Variants in DNAH12 observed in about 807,000 individuals in gnomAD.
DNAH12 encodes axonemal beta dynein heavy chain 12.
A neutral mutation model predicts 371.5 loss-of-function variants in DNAH12; 285 were observed. The observed-to-expected ratio is 0.77, with a 90% CI of 0.70 to 0.85. The LOEUF (loss-of-function observed/expected upper bound fraction) is 0.85. Among genes scored for constraint, DNAH12 ranks in the 40% least tolerant of loss-of-function variants. The pLI, the probability that DNAH12 is intolerant of heterozygous loss-of-function variation, is 0.00. For missense variants in DNAH12, 3,611 were observed against 3,689.4 expected (o/e 0.98, Z 0.55); for synonymous variants, 1,200 against 1,213.0 (o/e 0.99, Z 0.22).
intron 2 of DNAH12, among the ~76,000 whole-genome samples, chr3:57,525,590 T>C (rs770019165): frequency 5.3e-5 from 8 of 152,130 alleles, no homozygotes; most frequent in Non-Finnish European, 1.0e-4. Flanking sequence ...GATACAGGCA[T>C]GCTATGCATA....
At chr3:57,499,641 A>ATATATATATATATATATATAGATATATAT (rs1553711536) in intron 11 of DNAH12, among the ~76,000 whole-genome samples, 1 of 25,418 alleles carries the variant, frequency 3.9e-5, no homozygotes, top group African/African-American at 1.7e-4. Context: ...AAAAAAAAAA[A>ATATATATATATATATATATAGATATATAT]AAAAAAATAT....
At chr3:57,428,573 A>C (rs2064855741) in intron 34 of DNAH12, 60 bp downstream of exon 34, 1 of 1,511,224 alleles carries the variant, frequency 6.6e-7, no homozygotes, top group Non-Finnish European at 8.8e-7. Flanking sequence ...GTGACTTTAG[A>C]CTTAGTCAAG....
Position 57,368,142 on chromosome 3 carries a change from A to C in DNAH12, c.8878T>G (p.Cys2960Gly). The change falls in exon 56 of 74, where the codon TGT (cysteine) becomes GGT (glycine). Residue 2960 changes from cysteine (C) to glycine (G), a missense_variant. Physicochemically the swap from Cys to Gly is radical, Grantham distance 159. Coordinates refer to ENST00000495027, the MANE Select transcript of DNAH12 (RefSeq NM_001366028.2). ...DSDYMRTLEN[C>G]IQFGTPLLLE... ...AGAAGTGGAGTTCCAAACTGAATAC[A>C]GTTTTCCAATGTTCTCATATAGTCT... The C allele has an allele frequency of 6.6e-6, 1 of 152,330 alleles. No homozygotes were observed. Among genetic ancestry groups the C allele is most frequent in the Middle Eastern group, 3.4e-3 (1 of 294 alleles). The allele number at this position is 152,330 out of a possible 1,614,324, so 9.4% of individuals were successfully genotyped here. A position where few individuals can be genotyped will look rare whatever the true frequency, so the allele number is the denominator to read the frequency against.
At chr3:57,297,029 T>C (rs886744588) in intron 70 of DNAH12, 45 bp from the exon 71 acceptor site, 7 of 1,542,678 alleles carry the variant, frequency 4.5e-6, no homozygotes, top group African/African-American at 2.8e-5. Context: ...TTTAAAGTTA[T>C]ACAAGTGCCA....
chr3:57,314,786 TA>T (rs1288648842), intron 65 of DNAH12, among the ~76,000 whole-genome samples, 155 bp from the exon 66 acceptor site: 1 of 152,216 alleles, frequency 6.6e-6, no homozygotes, highest in African/African-American at 2.4e-5. Context: ...AAATAATACT[TA>T]CTATAAATAG....
At position 57,398,964 on chromosome 3, in the gene DNAH12, C is replaced by G. The variant is rs1308303848; in HGVS notation, c.6948+4345G>C. 1.2e-4 allele frequency among the ~76,000 whole-genome samples: 18 copies of G among 152,106 alleles called. No homozygotes were observed. In the South Asian group the frequency reaches 2.3e-3, roughly 19 times the overall value. On this transcript the variant is annotated intron_variant, in intron 43 of 73. Coordinates refer to ENST00000495027, the MANE Select transcript of DNAH12 (RefSeq NM_001366028.2). Reference sequence around the variant, plus strand: ...TTAATTCTAAAAAACAAAAACATGCCTTATAAATGTATGTTAATTAGTACA... The same window carrying G: ...TTAATTCTAAAAAACAAAAACATGCGTTATAAATGTATGTTAATTAGTACA...
At chr3:57,494,265 T>C (rs762707814) in intron 11 of DNAH12, among the ~76,000 whole-genome samples, 1 of 151,162 alleles carries the variant, frequency 6.6e-6, no homozygotes, top group Non-Finnish European at 1.5e-5. Flanking sequence ...AAATGTGTAC[T>C]ACATTGGCTG....
Position 57,453,402 on chromosome 3 carries a change from C to T in DNAH12, c.3458G>A (p.Gly1153Glu). ...TQEVISGGTE[G>E]LKKYYKELQN... ...AAGTTCCTTATAATACTTCTTTAAT[C>T]CCTACAAAATAAAAAAAAAAGCAAT... The change falls in exon 24 of 74, where the codon GGA becomes GAA. Residue 1153 changes from glycine to glutamate, a missense_variant and splice_region_variant. Physicochemically the swap from Gly to Glu is moderately conservative, Grantham distance 98. Around this residue, in one of 3 missense-constraint regions of DNAH12, gnomAD observed 1,314 missense variants for 1,398.7 expected, o/e 0.94. Transcript: ENST00000495027. The T allele has an allele frequency of 2.0e-6, 3 of 1,528,820 alleles. No individual in the cohort carries two copies. Among genetic ancestry groups the T allele is most frequent in the Non-Finnish European group, 2.6e-6 (3 of 1,140,270 alleles). 94.7% of individuals were successfully genotyped at this position (1,528,820 alleles called of 1,614,324 possible).
In DNAH12 at chr3:57,446,699, A is replaced by C; in HGVS notation, c.3787-10T>G. On this transcript the variant is annotated splice_polypyrimidine_tract_variant and intron_variant, in intron 25 of 73. Transcript: ENST00000495027. Reference sequence around the variant, plus strand: ...AATAGAAAGCACCTATCTGAAATGAAAAACACATGTGAAAAGAAATCCATG... The same window carrying C: ...AATAGAAAGCACCTATCTGAAATGACAAACACATGTGAAAAGAAATCCATG... 1 of 1,480,966 alleles carries C rather than the reference A, an allele frequency of 6.8e-7. No individual in the cohort carries two copies. Among genetic ancestry groups the C allele is most frequent in the Non-Finnish European group, 9.0e-7 (1 of 1,111,062 alleles). 91.7% of individuals were successfully genotyped at this position (1,480,966 alleles called of 1,614,324 possible). A position where few individuals can be genotyped will look rare whatever the true frequency, so the allele number is the denominator to read the frequency against.
chr3:57,396,290 C>CAAAAAAAAAAAA (rs1159748997), intron 43 of DNAH12, among the ~76,000 whole-genome samples: 88 of 68,632 alleles, frequency 1.3e-3, no homozygotes, highest in African/African-American at 2.0e-3. Context: ...AAAAAAAAAA[C>CAAAAAAAAAAAA]AAAAAAAAAA....
chr3:57,482,626 T>G (rs2066783622), intron 13 of DNAH12, among the ~76,000 whole-genome samples: 1 of 152,094 alleles, frequency 6.6e-6, no homozygotes, highest in South Asian at 2.1e-4. Context: ...TGCACACGTA[T>G]GTTTATTGCA....
intron 11 of DNAH12, among the ~76,000 whole-genome samples, chr3:57,496,060 A>C (rs963396526): frequency 6.6e-6 from 1 of 151,048 alleles, no homozygotes; most frequent in African/African-American, 2.4e-5. Context: ...TCAAGAAAAC[A>C]TAACAATCCT....
At chr3:57,359,689 CA>C (rs1159846721) in intron 58 of DNAH12, among the ~76,000 whole-genome samples, 2 of 151,492 alleles carry the variant, frequency 1.3e-5, no homozygotes, top group Non-Finnish European at 2.9e-5. Flanking sequence ...TTATACTTTC[CA>C]AAAATAAAAA....
chr3:57,295,449 AT>A, intron 73 of DNAH12, 75 bp downstream of exon 73: 2 of 1,274,690 alleles, frequency 1.6e-6, no homozygotes, highest in Non-Finnish European at 2.1e-6. Context: ...GCAAAAACTT[AT>A]TTTGGGGAGC....
intron 5 of DNAH12, 55 bp from the exon 6 acceptor site, chr3:57,509,267 T>A: frequency 6.6e-7 from 1 of 1,507,320 alleles, no homozygotes; most frequent in Non-Finnish European, 9.1e-7. Flanking sequence ...AATCTATTAA[T>A]ATCAAAGTTT....
chr3:57,448,486 C>T (rs973694680), intron 25 of DNAH12, among the ~76,000 whole-genome samples: 8 of 152,078 alleles, frequency 5.3e-5, no homozygotes, highest in African/African-American at 9.7e-5. Flanking sequence ...GTCTCGCTGG[C>T]TTCAGGAGTG....
chr3:57,327,415 C>T (rs2061976462), intron 62 of DNAH12, among the ~76,000 whole-genome samples: 1 of 152,108 alleles, frequency 6.6e-6, no homozygotes, highest in Non-Finnish European at 1.5e-5. Context: ...TCACTCAAAA[C>T]CGCTCAACTA....
intron 2 of DNAH12, among the ~76,000 whole-genome samples, chr3:57,531,865 C>T (rs2068861640): frequency 6.7e-6 from 1 of 148,590 alleles, no homozygotes; most frequent in Non-Finnish European, 1.5e-5. Context: ...ACTTGAATGT[C>T]AATTATCTTT....
chr3:57,376,076 T>G (rs2063274594), intron 53 of DNAH12, 111 bp from the exon 54 acceptor site: 1 of 152,120 alleles, frequency 6.6e-6, no homozygotes, highest in African/African-American at 2.4e-5. Context: ...CTATAAAATT[T>G]GGACACCTGC....
Sources: gnomAD v4.1 joint callset for allele counts (sites outside exome capture counted in the v4.1 genomes callset) on GRCh38, gnomAD v4.1.1 for gene constraint, gnomAD v4.1.1 regional missense constraint, MANE v1.5 for transcripts, NCBI Gene and HGNC (gene_info 2026-07-23, HGNC 2026-07-21) for gene names.